The following INPP4A variants were observed in gnomAD, a reference collection of about 807,000 sequenced individuals.
INPP4A encodes the protein inositol polyphosphate-4-phosphatase type I A.
In INPP4A, 33 loss-of-function variants were observed where a neutral mutation model predicts 119.8. That is an observed-to-expected ratio of 0.28 (90% CI 0.21 to 0.37). The LOEUF is 0.37. Ranked by LOEUF, INPP4A falls within the 10% of genes least tolerant of loss-of-function variation. The pLI is 1.00. For synonymous variants in INPP4A, 496 were observed against 500.7 expected (o/e 0.99, Z 0.12); for missense variants, 956 against 1,289.9 (o/e 0.74, Z 3.97).
rs1355481861 is a variant in INPP4A, at chr2:98,570,463, A to AT, written c.2518+1796dup. On this transcript the variant is annotated intron_variant, in intron 22 of 24. Transcript: ENST00000409851. This position sits in a 1 kb window ranked among gnomAD's most constrained non-coding sequence, Gnocchi z 4.3. ...CAAGGAGCTGCTGGTGATCTCTCCC[A>AT]TACAGTCTCACTGTGGTGAGGGCTG... Among the ~76,000 whole-genome samples, 1 of 152,158 alleles carries AT rather than the reference A, an allele frequency of 6.6e-6. No homozygotes were observed. Among genetic ancestry groups the AT allele is most frequent in the Non-Finnish European group, 1.5e-5 (1 of 68,012 alleles).
chr2:98,515,758 C>A (rs1207400894), intron 1 of INPP4A, among the ~76,000 whole-genome samples: 1 of 152,144 alleles, frequency 6.6e-6, no homozygotes, highest in African/African-American at 2.4e-5. Context: ...AAACGTTTCC[C>A]AGGACTGCTG....
At position 98,480,441 on chromosome 2, in the gene INPP4A, C is replaced by T. The variant is rs186521555; in HGVS notation, c.-166+35356C>T. On this transcript the variant is annotated intron_variant, in intron 1 of 24. Transcript: ENST00000409851. Reference sequence around the variant, plus strand: ...ACTTACCAGATTTTTATCTGGTGCCCTATCATATGCTCTTACGACACAGAG... The same window carrying T: ...ACTTACCAGATTTTTATCTGGTGCCTTATCATATGCTCTTACGACACAGAG... 3.3e-5 allele frequency among the ~76,000 whole-genome samples: 5 copies of T among 152,336 alleles called. No homozygotes were observed. The East Asian group carries it at 7.7e-4, about 23-fold the overall frequency.
chr2:98,467,047 C>T (rs1674930993), intron 1 of INPP4A, among the ~76,000 whole-genome samples: 1 of 152,148 alleles, frequency 6.6e-6, no homozygotes, highest in Non-Finnish European at 1.5e-5. Context: ...TCTGGTGAGG[C>T]CTCAGGCTGC....
At chr2:98,459,283 C>T (rs1301007556) in intron 1 of INPP4A, among the ~76,000 whole-genome samples, 1 of 152,166 alleles carries the variant, frequency 6.6e-6, no homozygotes, top group African/African-American at 2.4e-5. Context: ...GCCCACTCCT[C>T]CCTACCCTGG....
At chr2:98,462,373 G>A (rs991402217) in intron 1 of INPP4A, among the ~76,000 whole-genome samples, 3 of 152,102 alleles carry the variant, frequency 2.0e-5, no homozygotes, top group South Asian at 2.1e-4. Context: ...GCTTGAACCC[G>A]GGAGGCAGAG....
intron 24 of INPP4A, chr2:98,581,519 A>C: frequency 7.0e-7 from 1 of 1,438,434 alleles, no homozygotes; most frequent in Non-Finnish European, 9.1e-7. Flanking sequence ...TTTTTTCTTT[A>C]TTTTCTTTCC....
intron 1 of INPP4A, among the ~76,000 whole-genome samples, chr2:98,474,651 C>G (rs768560063): frequency 6.6e-6 from 1 of 152,176 alleles, no homozygotes; most frequent in Non-Finnish European, 1.5e-5. Context: ...GGCAGCAGAC[C>G]CATCTCACCT....
chr2:98,578,936 G>A (rs1427774654), intron 24 of INPP4A, among the ~76,000 whole-genome samples: 2 of 152,150 alleles, frequency 1.3e-5, no homozygotes, highest in Non-Finnish European at 2.9e-5. Flanking sequence ...GGGCCAACCA[G>A]TCCCTGAATT....
In INPP4A at chr2:98,471,493, C is replaced by A. The variant is rs183738490; in HGVS notation, c.-166+26408C>A. Among the ~76,000 whole-genome samples, 20 of 152,296 alleles carry A rather than the reference C, an allele frequency of 1.3e-4. No individual in the cohort carries two copies. The East Asian group carries it at 3.7e-3, about 28-fold the overall frequency. The stretch of plus-strand genomic sequence containing the variant: ...ATGTGGAATATTTCTGTTAGACCAT[C>A]TGAGAATTTTAAGCTCTGGTGGATG... On this transcript the variant is annotated intron_variant, in intron 1 of 24. Transcript: ENST00000409851.
Position 98,555,674 on chromosome 2 carries a change from G to A in INPP4A, c.1688G>A (p.Ser563Asn), listed in dbSNP as rs1440051371. The change falls in exon 16 of 25, where the codon AGC (serine) becomes AAC (asparagine). Residue 563 changes from serine (S) to asparagine (N), a missense_variant. This residue lies in a region of INPP4A where 652 missense variants were observed against 797.9 expected (regional missense o/e 0.82). Transcript: ENST00000409851. Reference protein sequence around the residue: ...GCEDVFPCAGSCTSKKGNPDS... With the variant: ...GCEDVFPCAGNCTSKKGNPDS... The stretch of plus-strand genomic sequence containing the variant: ...GAGGATGTCTTCCCCTGTGCAGGCA[G>A]CTGCACCAGCAAGAAAGGTAACCCG... The A allele has an allele frequency of 6.2e-7, 1 of 1,613,966 alleles. No homozygotes were observed. The highest frequency in any genetic ancestry group is 1.1e-5 in the South Asian group (1 of 91,078).
chr2:98,447,190 C>T (rs3769743), intron 1 of INPP4A, among the ~76,000 whole-genome samples: 41,756 of 152,002 alleles, frequency 0.27, 5,777 homozygotes, highest in Middle Eastern at 0.35. Flanking sequence ...AGCTCCTTTT[C>T]AGTTTAGTAT....
rs771496389 is a variant in INPP4A at position 98,559,443 on chromosome 2, C to T, written c.1823-20C>T. The T allele has an allele frequency of 3.7e-6, 6 of 1,613,756 alleles. No individual in the cohort carries two copies. The highest frequency in any genetic ancestry group is 2.2e-5 in the East Asian group (1 of 44,894). On this transcript the variant is annotated intron_variant, in intron 16 of 24. Transcript: ENST00000409851. ...TGTGCTGCTCCTTAATCATCCATGT[C>T]GCCCTCCATTTCTGTGCAGATTGCA...
intron 1 of INPP4A, among the ~76,000 whole-genome samples, chr2:98,506,344 G>C (rs969934390): frequency 6.6e-6 from 1 of 152,276 alleles, no homozygotes; most frequent in Non-Finnish European, 1.5e-5. Flanking sequence ...TGCTGCTGCT[G>C]CTGACCTTGA....
rs566989835 is a variant in INPP4A at position 98,513,873 on chromosome 2, G to A, written c.-165-5091G>A. 9.8e-5 allele frequency among the ~76,000 whole-genome samples: 15 copies of A among 152,330 alleles called. 1 individual carries two copies. The highest frequency in any genetic ancestry group is 4.4e-5 in the Non-Finnish European group (3 of 68,026). ...TTACCCTGTGCCCATCCCCATGTTT[G>A]TGCCATGTCATAGAAAGTCCTCCTA... On this transcript the variant is annotated intron_variant, in intron 1 of 24. Coordinates refer to ENST00000409851, the MANE Select transcript of INPP4A (RefSeq NM_001134225.2).
intron 24 of INPP4A, among the ~76,000 whole-genome samples, chr2:98,585,606 G>A (rs1053798324): frequency 2.0e-5 from 3 of 152,182 alleles, no homozygotes; most frequent in Non-Finnish European, 4.4e-5. Context: ...GCCTCGCCCC[G>A]GGCCCTCTTG....
intron 1 of INPP4A, among the ~76,000 whole-genome samples, chr2:98,457,607 T>C (rs1696354780): frequency 1.3e-5 from 2 of 152,238 alleles, no homozygotes; most frequent in Admixed American, 1.3e-4. Context: ...AATTGACTAC[T>C]GTAATGAATA....
At chr2:98,575,419 C>T (rs1698250268) in intron 23 of INPP4A, among the ~76,000 whole-genome samples, 1 of 152,246 alleles carries the variant, frequency 6.6e-6, no homozygotes, top group African/African-American at 2.4e-5. Flanking sequence ...CTACAGCCCA[C>T]AGAATTTAGT....
intron 1 of INPP4A, among the ~76,000 whole-genome samples, chr2:98,498,977 A>G (rs1250327214): frequency 6.6e-6 from 1 of 152,192 alleles, no homozygotes; most frequent in Non-Finnish European, 1.5e-5. Flanking sequence ...AGTCTGTGGG[A>G]TTTTGTTATG....
intron 1 of INPP4A, among the ~76,000 whole-genome samples, chr2:98,479,761 T>C (rs1424823119): frequency 6.6e-6 from 1 of 152,214 alleles, no homozygotes; most frequent in Non-Finnish European, 1.5e-5. Context: ...TGAAGAAAAC[T>C]GTCTCCTTTG....
Sources: allele counts gnomAD v4.1 joint callset (sites outside exome capture counted in the v4.1 genomes callset), GRCh38; gene constraint gnomAD v4.1.1; regional missense constraint gnomAD v4.1.1; non-coding constraint Gnocchi (gnomAD v3.1); transcripts MANE v1.5; gene names NCBI Gene and HGNC (gene_info 2026-07-23, HGNC 2026-07-21).